The following CTNNA3 variants were observed in gnomAD, a reference collection of about 807,000 sequenced individuals.
The protein encoded by CTNNA3 is catenin alpha 3.
Under a neutral mutation model 95.7 loss-of-function variants are expected in CTNNA3, and 76 were observed. That is an observed-to-expected ratio of 0.79 (90% CI 0.66 to 0.96). The LOEUF (loss-of-function observed/expected upper bound fraction) is 0.96. CTNNA3 is among the 40% of genes least tolerant of loss of function. The pLI is 0.00. For synonymous variants in CTNNA3, 431 were observed against 374.4 expected (o/e 1.15, Z -1.74); for missense variants, 1,191 against 1,089.8 (o/e 1.09, Z -1.31).
At position 67,396,127 on chromosome 10, in the gene CTNNA3, C is replaced by T. The variant is rs374349159; in HGVS notation, c.579+125715G>A. On this transcript the variant is annotated intron_variant, in intron 5 of 17. Transcript: ENST00000433211. ...ATTACTGTAACCAAAAAGAAATAAT[C>T]ACAAAACTATCTGAAAGCAAATAAC... Among the ~76,000 whole-genome samples the T allele has an allele frequency of 1.7e-3, 264 of 152,046 alleles. 5 individuals are homozygous for T. The South Asian group carries it at 0.05, about 29-fold the overall frequency.
chr10:66,984,881 T>G (rs1850639880), intron 7 of CTNNA3, among the ~76,000 whole-genome samples: 1 of 152,216 alleles, frequency 6.6e-6, no homozygotes, highest in Non-Finnish European at 1.5e-5. Flanking sequence ...ACACATTTTT[T>G]GCTCTGTTTT....
intron 13 of CTNNA3, among the ~76,000 whole-genome samples, chr10:66,239,643 A>G (rs537103111): frequency 6.4e-4 from 98 of 152,116 alleles, no homozygotes; most frequent in African/African-American, 2.3e-3. Flanking sequence ...TGAGGTGGAC[A>G]TATTTCATAT....
intron 7 of CTNNA3, chr10:66,926,458 T>G (rs996279742): frequency 1.9e-6 from 2 of 1,039,810 alleles, no homozygotes; most frequent in Non-Finnish European, 2.9e-6. Flanking sequence ...TCCCAAGGGG[T>G]CCAATTTTTC....
In CTNNA3 at chr10:66,220,132, T is replaced by G. The variant is rs114364728; in HGVS notation, c.1884+60338A>C. ...AGTGAGACTCGGTCTCAAAAAATAA[T>G]AATAAGAAGAAGAATAAAGATATCC... On this transcript the variant is annotated intron_variant, in intron 13 of 17. Coordinates refer to ENST00000433211, the MANE Select transcript of CTNNA3 (RefSeq NM_013266.4). 3.7e-3 allele frequency among the ~76,000 whole-genome samples: 564 copies of G among 151,950 alleles called. 3 individuals carry two copies. The highest frequency in any genetic ancestry group is 0.012 in the African/African-American group (495 of 41,450).
At chr10:67,620,260 G>A (rs1328457132) in intron 2 of CTNNA3, among the ~76,000 whole-genome samples, 4 of 152,180 alleles carry the variant, frequency 2.6e-5, no homozygotes, top group African/African-American at 7.2e-5. Flanking sequence ...AATGCACAGA[G>A]GTGCCCACAA....
At chr10:66,171,181 T>C (rs769478343) in intron 13 of CTNNA3, among the ~76,000 whole-genome samples, 4 of 151,406 alleles carry the variant, frequency 2.6e-5, no homozygotes, top group Non-Finnish European at 5.9e-5. Context: ...TAAGGAACCA[T>C]AATATGTGTA....
Position 66,483,217 on chromosome 10 carries a change from A to C in CTNNA3, c.1531+37400T>G, listed in dbSNP as rs565946598. Reference sequence around the variant, plus strand: ...ATTATTGTATATCCTTGGGCAAATTAATTAATATTTTGGAGAAGCAGTTTC... The same window carrying C: ...ATTATTGTATATCCTTGGGCAAATTCATTAATATTTTGGAGAAGCAGTTTC... On this transcript the variant is annotated intron_variant, in intron 11 of 17. Transcript: ENST00000433211. 1.3e-4 allele frequency among the ~76,000 whole-genome samples: 20 copies of C among 152,344 alleles called. No individual in the cohort carries two copies. In the South Asian group the frequency reaches 2.9e-3, roughly 22 times the overall value.
intron 7 of CTNNA3, among the ~76,000 whole-genome samples, chr10:67,031,735 T>C (rs1853741422): frequency 6.6e-6 from 1 of 152,188 alleles, no homozygotes; most frequent in Non-Finnish European, 1.5e-5. Flanking sequence ...AAAGATAATG[T>C]AATTCTTGTG....
chr10:67,437,468 A>G (rs930590920), intron 5 of CTNNA3, among the ~76,000 whole-genome samples: 1 of 149,736 alleles, frequency 6.7e-6, no homozygotes, highest in Admixed American at 6.6e-5. Context: ...AATAAATTTA[A>G]TAAATACCCC....
intron 5 of CTNNA3, among the ~76,000 whole-genome samples, chr10:67,500,324 T>A (rs1839188582): frequency 6.6e-6 from 1 of 152,212 alleles, no homozygotes; most frequent in Non-Finnish European, 1.5e-5. Context: ...TTCTCTTGCA[T>A]TTGCTAAGGA....
At chr10:66,439,388 A>C (rs1437885838) in intron 11 of CTNNA3, among the ~76,000 whole-genome samples, 1 of 152,196 alleles carries the variant, frequency 6.6e-6, no homozygotes, top group Non-Finnish European at 1.5e-5. Context: ...ATAGGTTAGC[A>C]TGATAAAAAA....
chr10:66,185,578 C>G (rs930595362), intron 13 of CTNNA3, among the ~76,000 whole-genome samples: 2 of 151,948 alleles, frequency 1.3e-5, no homozygotes, highest in Admixed American at 1.3e-4. Context: ...GTATTTTATT[C>G]ACAGAGAAGC....
chr10:66,320,007 T>G (rs1303033802), intron 12 of CTNNA3, among the ~76,000 whole-genome samples: 3 of 152,060 alleles, frequency 2.0e-5, no homozygotes, highest in African/African-American at 7.2e-5. Context: ...CCAATGCAGC[T>G]CCAGTAATAA....
intron 17 of CTNNA3, among the ~76,000 whole-genome samples, chr10:65,925,613 T>C (rs1360758306): frequency 6.6e-6 from 1 of 152,108 alleles, no homozygotes; most frequent in Non-Finnish European, 1.5e-5. Flanking sequence ...ATTTTTCTGT[T>C]TTTAGTAGAG....
chr10:67,132,715 T>C (rs771777975), intron 7 of CTNNA3, among the ~76,000 whole-genome samples: 1 of 152,006 alleles, frequency 6.6e-6, no homozygotes, highest in Non-Finnish European at 1.5e-5. Flanking sequence ...GTCGTATATA[T>C]ACACAATGGA....
intron 5 of CTNNA3, among the ~76,000 whole-genome samples, chr10:67,280,677 G>C (rs547137598): frequency 6.6e-6 from 1 of 152,196 alleles, no homozygotes; most frequent in South Asian, 2.1e-4. Flanking sequence ...GGCCCCCAGT[G>C]CATTGCAGGC....
chr10:66,380,788 G>A (rs952693366), intron 11 of CTNNA3, among the ~76,000 whole-genome samples: 4 of 151,786 alleles, frequency 2.6e-5, no homozygotes, highest in Non-Finnish European at 4.4e-5. Context: ...GTGTTTTAAA[G>A]AAATAGTCAT....
In CTNNA3 at chr10:66,889,502, C is replaced by T. The variant is rs574081814; in HGVS notation, c.1048-113978G>A. Among the ~76,000 whole-genome samples the T allele has an allele frequency of 5.9e-5, 9 of 152,002 alleles. No homozygotes were observed. In the East Asian group the frequency reaches 7.7e-4, roughly 13 times the overall value. On this transcript the variant is annotated intron_variant, in intron 7 of 17. Transcript: ENST00000433211. ...GTATGTGGTAAATCTATCTTCCATTCGATTTTGCTGTGAACTTATAATTAA... is the reference window on the plus strand; with the variant it reads ...GTATGTGGTAAATCTATCTTCCATTTGATTTTGCTGTGAACTTATAATTAA...
chr10:66,359,270 A>G (rs755694869), intron 12 of CTNNA3, among the ~76,000 whole-genome samples: 1 of 152,130 alleles, frequency 6.6e-6, no homozygotes, highest in Non-Finnish European at 1.5e-5. Context: ...ACAGAACAGG[A>G]AAGTTTGCAC....
Sources: gnomAD v4.1 joint callset for allele counts (sites outside exome capture counted in the v4.1 genomes callset) on GRCh38, gnomAD v4.1.1 for gene constraint, MANE v1.5 for transcripts, NCBI Gene and HGNC (gene_info 2026-07-23, HGNC 2026-07-21) for gene names.